Variants in DNAJC19 observed in about 807,000 individuals in gnomAD.
DNAJC19 encodes DnaJ heat shock protein family (Hsp40) member C19.
A neutral mutation model predicts 19.8 loss-of-function variants in DNAJC19; 15 were observed. That is an observed-to-expected ratio of 0.76 (90% CI 0.51 to 1.17). The LOEUF (loss-of-function observed/expected upper bound fraction) is 1.17. DNAJC19 is among the 50% of genes most tolerant of loss of function. The pLI is 0.00. For synonymous variants in DNAJC19, 38 were observed against 42.1 expected (o/e 0.90, Z 0.38); for missense variants, 105 against 140.9 (o/e 0.75, Z 1.29).
Position 180,989,311 on chromosome 3 carries a change from G to A in DNAJC19, c.3+289C>T. 2.9e-6 allele frequency: 4 copies of A among 1,396,354 alleles called. No individual in the cohort carries two copies. The African/African-American group carries it at 5.8e-5, about 20-fold the overall frequency. The allele number at this position is 1,396,354 out of a possible 1,614,324, so 86.5% of individuals were successfully genotyped here. On this transcript the variant is annotated intron_variant, in intron 1 of 5. Transcript: ENST00000382564. Reference sequence around the variant, plus strand: ...ATCAAATACGTTTCCACTAATCTCCGAGTCCATGACAGCCTCTGACCTTAC... The same window carrying A: ...ATCAAATACGTTTCCACTAATCTCCAAGTCCATGACAGCCTCTGACCTTAC...
chr3:180,986,968 C>G lies in DNAJC19; in HGVS notation c.184G>C (p.Glu62Gln). Residue 62 changes from glutamate to glutamine, a missense_variant, in exon 4 of 6, where the codon GAA becomes CAA. Physicochemically the swap from Glu to Gln is conservative, Grantham distance 29. Transcript: ENST00000382564. ...CTTACACCTAGTATTAATGCTGCTT[C>G]CCGTTTTGTCATTTTGGGTTCAAAC... ...GGFEPKMTKR[E>Q]AALILGVSPT... 1 of 1,613,944 alleles carries G rather than the reference C, an allele frequency of 6.2e-7. No individual in the cohort carries two copies. Among genetic ancestry groups the G allele is most frequent in the Non-Finnish European group, 8.5e-7 (1 of 1,179,906 alleles).
At position 180,984,086 on chromosome 3, in the gene DNAJC19, G is replaced by A. The variant is rs1210577749; in HGVS notation, c.*554C>T. The stretch of plus-strand genomic sequence containing the variant: ...TGCATGAAATAAAAATGGTTTATAT[G>A]TACATAGAATACACACACACACACA... On this transcript the variant is annotated 3_prime_UTR_variant, in exon 6 of 6. Coordinates refer to ENST00000382564, the MANE Select transcript of DNAJC19 (RefSeq NM_145261.4). 9 of 453,750 alleles carry A rather than the reference G, an allele frequency of 2.0e-5. No individual in the cohort carries two copies. Among genetic ancestry groups the A allele is most frequent in the South Asian group, 3.1e-5 (2 of 64,472 alleles). 28.1% of individuals were successfully genotyped at this position (453,750 alleles called of 1,614,324 possible).
chr3:180,986,913 A>G, intron 4 of DNAJC19, 30 bp downstream of exon 4: 1 of 1,582,192 alleles, frequency 6.3e-7, no homozygotes. Context: ...AGTGGTAGAA[A>G]AATGCTAAAA....
chr3:180,989,560 G>A, intron 1 of DNAJC19, 40 bp downstream of exon 1: 1 of 1,567,058 alleles, frequency 6.4e-7, no homozygotes, highest in Admixed American at 1.9e-5. Flanking sequence ...GTTGAGGCCT[G>A]GGCCGGAGGT....
Position 180,989,674 on chromosome 3 carries a change from T to C in DNAJC19, c.-72A>G, listed in dbSNP as rs560226416. On this transcript the variant is annotated 5_prime_UTR_variant, in exon 1 of 6. Transcript: ENST00000382564. ...CAGCTCAGAGGCCGCGGCCAACACC[T>C]GCACGCCTTTACCAGAGAGCGACGC... The C allele has an allele frequency of 6.4e-6, 10 of 1,558,858 alleles. No homozygotes were observed. Among genetic ancestry groups the C allele is most frequent in the Admixed American group, 1.9e-5 (1 of 52,108 alleles).
In DNAJC19 at chr3:180,984,053, A is replaced by C. The variant is rs934758233; in HGVS notation, c.*587T>G. ...TGTACTCTGAAATCTTTATCATACT[A>C]TTTTTAATGCATGAAATAAAAATGG... On this transcript the variant is annotated 3_prime_UTR_variant, in exon 6 of 6. Coordinates refer to ENST00000382564, the MANE Select transcript of DNAJC19 (RefSeq NM_145261.4). 3 of 453,876 alleles carry C rather than the reference A, an allele frequency of 6.6e-6. No individual in the cohort carries two copies. The highest frequency in any genetic ancestry group is 1.3e-5 in the Non-Finnish European group (3 of 226,772). 28.1% of individuals were successfully genotyped at this position (453,876 alleles called of 1,614,324 possible). A position where few individuals can be genotyped will look rare whatever the true frequency, so the allele number is the denominator to read the frequency against.
intron 1 of DNAJC19, chr3:180,989,317 A>G (rs1715096193): frequency 7.1e-7 from 1 of 1,406,038 alleles, no homozygotes; most frequent in Non-Finnish European, 9.2e-7. Context: ...CTCCGAGTCC[A>G]TGACAGCCTC....
Position 180,989,697 on chromosome 3 carries a change from C to T in DNAJC19, c.-95G>A. On this transcript the variant is annotated 5_prime_UTR_variant, in exon 1 of 6. Coordinates refer to ENST00000382564, the MANE Select transcript of DNAJC19 (RefSeq NM_145261.4). ...CCTGCACGCCTTTACCAGAGAGCGA[C>T]GCAACCCCCAACCTCAAGCACAGGC... 1.3e-6 allele frequency: 2 copies of T among 1,545,878 alleles called. No homozygotes were observed. Among genetic ancestry groups the T allele is most frequent in the Non-Finnish European group, 1.7e-6 (2 of 1,145,300 alleles).
In DNAJC19 at chr3:180,984,135, T is replaced by C. The variant is rs1349439880; in HGVS notation, c.*505A>G. 2.2e-6 allele frequency: 1 copy of C among 453,964 alleles called. No homozygotes were observed. Among genetic ancestry groups the C allele is most frequent in the African/African-American group, 2.0e-5 (1 of 50,006 alleles). 28.1% of individuals were successfully genotyped at this position (453,964 alleles called of 1,614,324 possible). ...CACCCCTAGGTCAATTTCTTAGGTC[T>C]CAGTTGTGGTTAAATTCACTTTTAA... On this transcript the variant is annotated 3_prime_UTR_variant, in exon 6 of 6. Transcript: ENST00000382564.
chr3:180,988,722 G>T (rs910573346), intron 1 of DNAJC19, among the ~76,000 whole-genome samples: 1 of 152,030 alleles, frequency 6.6e-6, no homozygotes, highest in African/African-American at 2.4e-5. Context: ...AGTGGAAATA[G>T]GCCAGGCGCG....
At chr3:180,989,799 A>G (rs1016992780), upstream of DNAJC19, 1 of 895,592 alleles carries the variant, frequency 1.1e-6, no homozygotes, top group Non-Finnish European at 1.8e-6. Flanking sequence ...AGGAGAAGGA[A>G]AGTCGCTCAA....
At chr3:180,989,503 C>G in intron 1 of DNAJC19, 97 bp downstream of exon 1, 1 of 1,549,766 alleles carries the variant, frequency 6.5e-7, no homozygotes, top group Admixed American at 2.0e-5. Context: ...CGCAGTCGCA[C>G]TAAGGAGCAC....
At chr3:180,986,065 G>T (rs1577024437) in intron 4 of DNAJC19, 69 bp from the exon 5 acceptor site, 1 of 1,298,994 alleles carries the variant, frequency 7.7e-7, no homozygotes, top group Non-Finnish European at 1.1e-6. Flanking sequence ...TGTACATAAA[G>T]GCCAATTAAA....
chr3:180,985,069 T>C (rs934773853), intron 5 of DNAJC19, among the ~76,000 whole-genome samples: 3 of 152,148 alleles, frequency 2.0e-5, no homozygotes, highest in African/African-American at 7.2e-5. Context: ...TGAACATCAA[T>C]TATACCATGT....
chr3:180,987,957 T>G, intron 3 of DNAJC19, 66 bp downstream of exon 3: 1 of 1,580,396 alleles, frequency 6.3e-7, no homozygotes, highest in South Asian at 1.1e-5. Context: ...TATTTGGAAA[T>G]TTACCCTTCC....
intron 4 of DNAJC19, 95 bp downstream of exon 4, chr3:180,986,848 G>T (rs192120432): frequency 2.0e-6 from 2 of 1,013,344 alleles, no homozygotes; most frequent in East Asian, 2.4e-5. Flanking sequence ...AATCCCCCAT[G>T]ACCCTCTCCT....
chr3:180,988,055 C>G lies in DNAJC19; in HGVS notation c.97G>C (p.Val33Leu), dbSNP rs1250972967. 1 of 1,614,074 alleles carries G rather than the reference C, an allele frequency of 6.2e-7. No homozygotes were observed. The highest frequency in any genetic ancestry group is 1.3e-5 in the African/African-American group (1 of 74,940). Residue 33 changes from valine to leucine, a missense_variant, in exon 3 of 6, where the codon GTA becomes CTA. Coordinates refer to ENST00000382564, the MANE Select transcript of DNAJC19 (RefSeq NM_145261.4). ...LQAMKHMEPQ[V>L]KQVFQSLPKS... The stretch of plus-strand genomic sequence containing the variant: ...GGTAGGCTTTGAAAAACTTGTTTTA[C>G]TTGAGGCTCCATATGCTTCATGGCT...
intron 3 of DNAJC19, 144 bp downstream of exon 3, chr3:180,987,879 G>C (rs1714990441): frequency 1.1e-5 from 11 of 984,356 alleles, no homozygotes; most frequent in Non-Finnish European, 1.7e-5. Flanking sequence ...ACAAAGTTCA[G>C]AACTTCTATA....
rs137854888 is a variant in DNAJC19, at chr3:180,987,023, C to G, written c.130-1G>C. ...CTCTATAATAGCCACCACTGAAGGCCTGAAAGAAGAAATGCATTTGTAAAG... is the reference window on the plus strand; with the variant it reads ...CTCTATAATAGCCACCACTGAAGGCGTGAAAGAAGAAATGCATTTGTAAAG... On this transcript the variant is annotated splice_acceptor_variant, in intron 3 of 5. Transcript: ENST00000382564. LOFTEE classifies it high-confidence loss of function. The G allele has an allele frequency of 6.2e-7, 1 of 1,613,338 alleles. No individual in the cohort carries two copies. Among genetic ancestry groups the G allele is most frequent in the Non-Finnish European group, 8.5e-7 (1 of 1,179,556 alleles).
Sources: allele counts gnomAD v4.1 joint callset (sites outside exome capture counted in the v4.1 genomes callset), GRCh38; gene constraint gnomAD v4.1.1; transcripts MANE v1.5; gene names NCBI Gene and HGNC (gene_info 2026-07-23, HGNC 2026-07-21).